The following DYNC2I1 variants were observed in gnomAD, a reference collection of about 807,000 sequenced individuals.
DYNC2I1 encodes the protein dynein 2 intermediate chain 1, also known as cytoplasmic dynein 2 intermediate chain 1.
In DYNC2I1, 89 loss-of-function variants were observed where a neutral mutation model predicts 133.4. That is an observed-to-expected ratio of 0.67 (90% CI 0.56 to 0.80). DYNC2I1 has a LOEUF of 0.80. DYNC2I1 is among the 30% of genes least tolerant of loss of function. The pLI is 0.00. For synonymous variants in DYNC2I1, 504 were observed against 484.3 expected, an observed-to-expected ratio of 1.04 and a Z score of -0.54; for missense variants, 1,291 against 1,314.5, an observed-to-expected ratio of 0.98 and a Z score of 0.28.
Position 158,911,571 on chromosome 7 carries a change from T to G in DYNC2I1, c.1482T>G (p.Leu494=). Residue 494 remains leucine, a synonymous_variant, in exon 12 of 25, where the codon CTT becomes CTG. Transcript: ENST00000407559. ...AAAGGATGCGAAGTACAAAACTGCT[T>G]CGGCTCATTGACTTAGATTTTTCAT... ...LKQKMRSTKL[L]RLIDLDFSFT... The G allele has an allele frequency of 1.2e-6, 2 of 1,613,604 alleles. No homozygotes were observed. Among genetic ancestry groups the G allele is most frequent in the Non-Finnish European group, 1.7e-6 (2 of 1,179,768 alleles).
At chr7:158,908,300 G>A (rs1847046465) in intron 11 of DYNC2I1, among the ~76,000 whole-genome samples, 1 of 151,842 alleles carries the variant, frequency 6.6e-6, no homozygotes, top group Admixed American at 6.6e-5. Flanking sequence ...GAAAAAGAGA[G>A]CATAGCTAGT....
At chr7:158,897,108 C>T (rs997877901) in intron 8 of DYNC2I1, among the ~76,000 whole-genome samples, 2 of 151,448 alleles carry the variant, frequency 1.3e-5, no homozygotes, top group African/African-American at 4.9e-5. Flanking sequence ...CTCAGCCTCC[C>T]GAGTAGCTGG....
intron 23 of DYNC2I1, among the ~76,000 whole-genome samples, chr7:158,938,197 A>C (rs1850960719): frequency 6.6e-6 from 1 of 152,238 alleles, no homozygotes; most frequent in Admixed American, 6.5e-5. Flanking sequence ...GGTGAAGGAG[A>C]AAGAGAAGAT....
At chr7:158,860,620 T>C (rs547621760) in intron 1 of DYNC2I1, among the ~76,000 whole-genome samples, 2 of 152,222 alleles carry the variant, frequency 1.3e-5, no homozygotes, top group Non-Finnish European at 2.9e-5. Flanking sequence ...ACAATGTGTA[T>C]GACTATTAAT....
In DYNC2I1 at chr7:158,941,140, A is replaced by T. The variant is rs571680792; in HGVS notation, c.2779-785A>T. On this transcript the variant is annotated intron_variant, in intron 23 of 24. Coordinates refer to ENST00000407559, the MANE Select transcript of DYNC2I1 (RefSeq NM_018051.5). ...AATAAAATCAGAAACCAAAGAGGAG[A>T]TACAACAACTGAGCCCTCAGAAATA... Among the ~76,000 whole-genome samples the T allele has an allele frequency of 2.6e-5, 4 of 152,348 alleles. No individual in the cohort carries two copies. In the East Asian group the frequency reaches 7.7e-4, roughly 29 times the overall value.
At chr7:158,841,413 G>A in the DYNC2I1 span, among the ~76,000 whole-genome samples, 4 of 151,790 alleles carry the variant, frequency 2.6e-5, no homozygotes, top group East Asian at 5.8e-4. Context: ...AGGTTTCACC[G>A]TGTTGGTCAG....
intron 1 of DYNC2I1, among the ~76,000 whole-genome samples, chr7:158,856,964 G>C (rs1397545332): frequency 2.6e-5 from 4 of 152,072 alleles, no homozygotes; most frequent in Non-Finnish European, 5.9e-5. Context: ...CGGGCTCCCG[G>C]CGGTCGGGAG....
intron 24 of DYNC2I1, among the ~76,000 whole-genome samples, chr7:158,942,442 G>C (rs1851470210): frequency 1.3e-5 from 2 of 152,198 alleles, no homozygotes; most frequent in South Asian, 4.1e-4. Context: ...CCACCACCGA[G>C]TCGACGGCTT....
chr7:158,861,492 C>G (rs1016713138), intron 1 of DYNC2I1, among the ~76,000 whole-genome samples: 1 of 152,176 alleles, frequency 6.6e-6, no homozygotes, highest in Non-Finnish European at 1.5e-5. Flanking sequence ...TTTCACCACT[C>G]GAAAGTCTGG....
At chr7:158,901,402 G>A (rs769809632) in intron 8 of DYNC2I1, among the ~76,000 whole-genome samples, 1 of 151,890 alleles carries the variant, frequency 6.6e-6, no homozygotes, top group Non-Finnish European at 1.5e-5. Context: ...GTGTAGATAA[G>A]CTGAGCACCA....
intron 23 of DYNC2I1, 121 bp downstream of exon 23, chr7:158,934,670 T>C: frequency 9.2e-7 from 1 of 1,081,948 alleles, no homozygotes; most frequent in Non-Finnish European, 1.3e-6. Context: ...AGCCTTGAAC[T>C]CCTGGGCTCA....
upstream of DYNC2I1, among the ~76,000 whole-genome samples, chr7:158,853,113 C>T (rs1841092646): frequency 6.6e-6 from 1 of 152,214 alleles, no homozygotes; most frequent in Admixed American, 6.5e-5. Context: ...CCAGGGCAGG[C>T]AGCCATGTCA....
intron 3 of DYNC2I1, among the ~76,000 whole-genome samples, chr7:158,874,118 C>A (rs7776895): frequency 0.062 from 9,472 of 152,144 alleles, 388 homozygotes; most frequent in African/African-American, 0.11. Flanking sequence ...GTTGCCCAGG[C>A]TGGTCTTGAA....
intron 1 of DYNC2I1, among the ~76,000 whole-genome samples, chr7:158,866,335 T>C (rs1842402833): frequency 6.6e-6 from 1 of 151,416 alleles, no homozygotes; most frequent in African/African-American, 2.4e-5. Context: ...TTCTTTGTGG[T>C]GCCCATGTCT....
the DYNC2I1 span, among the ~76,000 whole-genome samples, chr7:158,841,205 A>ATATATATATATATATATATG: frequency 2.7e-5 from 1 of 37,218 alleles, no homozygotes; most frequent in African/African-American, 1.0e-4. Flanking sequence ...ATATATATAT[A>ATATATATATATATATATATG]TATATATATA....
chr7:158,905,168 T>C (rs1846656003), intron 10 of DYNC2I1: 1 of 397,864 alleles, frequency 2.5e-6, no homozygotes, highest in Non-Finnish European at 4.8e-6. Flanking sequence ...TGAGACAGAG[T>C]CTCACTATGT....
chr7:158,938,336 A>G (rs796225605), intron 23 of DYNC2I1, among the ~76,000 whole-genome samples: 2 of 152,262 alleles, frequency 1.3e-5, no homozygotes, highest in South Asian at 4.1e-4. Flanking sequence ...GTGCTAAATG[A>G]AGAACATTGC....
chr7:158,880,034 C>T (rs769799274), intron 5 of DYNC2I1, 45 bp downstream of exon 5: 36 of 1,534,382 alleles, frequency 2.3e-5, no homozygotes, highest in Admixed American at 1.8e-4. Context: ...GCCCCGAGGC[C>T]GGCGCTTTCA....
In DYNC2I1 at chr7:158,871,328, A is replaced by G. The variant is rs1312046094; in HGVS notation, c.256A>G (p.Arg86Gly). 7.1e-6 allele frequency: 11 copies of G among 1,557,928 alleles called. No individual in the cohort carries two copies. Among genetic ancestry groups the G allele is most frequent in the Non-Finnish European group, 9.6e-6 (11 of 1,150,306 alleles). Residue 86 changes from arginine (R) to glycine (G), a missense_variant, in exon 3 of 25, where the codon AGA (arginine) becomes GGA (glycine). Transcript: ENST00000407559. ...AKESPRGERD[R>G]DRQRERRRDA... ...GGAGAGTCCTCGTGGGGAGAGGGAC[A>G]GAGACAGACAGAGGGAGAGGAGAAG...
Sources: gnomAD v4.1 joint callset for allele counts (sites outside exome capture counted in the v4.1 genomes callset) on GRCh38, gnomAD v4.1.1 for gene constraint, MANE v1.5 for transcripts, NCBI Gene and HGNC (gene_info 2026-07-23, HGNC 2026-07-21) for gene names.